MACC1: variants seen among roughly 807,000 people sequenced by gnomAD.
The protein encoded by MACC1 is metastasis-associated in colon cancer protein 1.
In MACC1, 79 loss-of-function variants were observed where a neutral mutation model predicts 70.7. That is an observed-to-expected ratio of 1.12 (90% CI 0.93 to 1.35). MACC1 has a LOEUF of 1.35. MACC1 is among the 40% of genes most tolerant of loss of function. The probability of loss-of-function intolerance (pLI) is 0.00; values close to 1 mark genes in which losing one functional copy is unlikely to be tolerated. For synonymous variants in MACC1, 361 were observed against 347.2 expected (o/e 1.04, Z -0.44); for missense variants, 1,106 against 978.1 (o/e 1.13, Z -1.74).
intron 1 of MACC1, among the ~76,000 whole-genome samples, chr7:20,195,781 A>T (rs1390148482): frequency 2.0e-5 from 3 of 152,204 alleles, no homozygotes; most frequent in Admixed American, 6.5e-5. Context: ...CTTGAGGCCA[A>T]TGCTTCTTTA....
At chr7:20,183,185 C>T (rs578000952) in intron 1 of MACC1, among the ~76,000 whole-genome samples, 3 of 152,290 alleles carry the variant, frequency 2.0e-5, no homozygotes, top group Middle Eastern at 3.4e-3. Flanking sequence ...TTCTCTAGCT[C>T]GTTGCAGAAG....
chr7:20,182,777 C>G (rs1476149388), intron 1 of MACC1, among the ~76,000 whole-genome samples: 4 of 152,102 alleles, frequency 2.6e-5, no homozygotes, highest in Non-Finnish European at 4.4e-5. Flanking sequence ...ATGGGAGTCA[C>G]TTTTCATATA....
intron 6 of MACC1, among the ~76,000 whole-genome samples, chr7:20,143,186 A>G (rs1417952529): frequency 6.6e-6 from 1 of 152,174 alleles, no homozygotes; most frequent in African/African-American, 2.4e-5. Flanking sequence ...AGGACTGTGA[A>G]TTGCTATGTG....
chr7:20,216,532 T>C (rs1355093580), intron 1 of MACC1, among the ~76,000 whole-genome samples: 5 of 152,128 alleles, frequency 3.3e-5, no homozygotes, highest in African/African-American at 1.2e-4. Flanking sequence ...CCCTGGCAAC[T>C]ACCATTCTAA....
intron 1 of MACC1, among the ~76,000 whole-genome samples, chr7:20,176,333 G>T (rs932125825): frequency 1.3e-5 from 2 of 152,068 alleles, no homozygotes; most frequent in African/African-American, 2.4e-5. Flanking sequence ...AGATAAAATG[G>T]CATAGAACTG....
At chr7:20,171,515 A>C (rs552484948) in intron 1 of MACC1, among the ~76,000 whole-genome samples, 2 of 151,420 alleles carry the variant, frequency 1.3e-5, no homozygotes, top group South Asian at 4.2e-4. Flanking sequence ...CGGCCTCCCA[A>C]AGTGCTGGGA....
intron 1 of MACC1, among the ~76,000 whole-genome samples, chr7:20,211,091 A>G (rs957154211): frequency 1.3e-5 from 2 of 152,124 alleles, no homozygotes; most frequent in African/African-American, 2.4e-5. Context: ...AAAGTTAAGG[A>G]CTGTAATAAT....
intron 6 of MACC1, among the ~76,000 whole-genome samples, chr7:20,151,641 C>T (rs1388381170): frequency 6.6e-6 from 1 of 152,064 alleles, no homozygotes; most frequent in African/African-American, 2.4e-5. Context: ...TTTTTCTTCA[C>T]CTTAGAAAAA....
chr7:20,147,241 C>A (rs1474615821), intron 6 of MACC1, among the ~76,000 whole-genome samples: 1 of 152,138 alleles, frequency 6.6e-6, no homozygotes, highest in Non-Finnish European at 1.5e-5. Flanking sequence ...TTAGAAAATG[C>A]ACTAGAAAAT....
chr7:20,146,182 G>A (rs1781889182), intron 6 of MACC1, among the ~76,000 whole-genome samples: 1 of 151,452 alleles, frequency 6.6e-6, no homozygotes, highest in African/African-American at 2.4e-5. Flanking sequence ...CTCTATTTGA[G>A]CTTTGCCTTA....
At chr7:20,179,716 C>T (rs1182158525) in intron 1 of MACC1, among the ~76,000 whole-genome samples, 1 of 151,880 alleles carries the variant, frequency 6.6e-6, no homozygotes, top group Non-Finnish European at 1.5e-5. Flanking sequence ...CAAAAGGCTT[C>T]CAAGATTTGG....
At position 20,137,430 on chromosome 7, in the gene MACC1, TAC is replaced by T. The variant is rs1308913950; in HGVS notation, c.*3514_*3515del. ...TTAATGACACACTATTGAATGCTTC[TAC>T]TTAATTGTTTCATATAAAGGCTTTA... On this transcript the variant is annotated 3_prime_UTR_variant, in exon 7 of 7. Coordinates refer to ENST00000400331, the MANE Select transcript of MACC1 (RefSeq NM_182762.4). The T allele has an allele frequency of 6.6e-6, 1 of 152,262 alleles. No homozygotes were observed. Among genetic ancestry groups the T allele is most frequent in the Non-Finnish European group, 1.5e-5 (1 of 68,052 alleles). 9.4% of individuals were successfully genotyped at this position (152,262 alleles called of 1,614,324 possible). A position where few individuals can be genotyped will look rare whatever the true frequency, so the allele number is the denominator to read the frequency against.
At chr7:20,180,624 C>T (rs1782489045) in intron 1 of MACC1, among the ~76,000 whole-genome samples, 1 of 152,024 alleles carries the variant, frequency 6.6e-6, no homozygotes, top group Admixed American at 6.6e-5. Context: ...GTGGGTGGAT[C>T]ACTTGAGGTC....
intron 1 of MACC1, among the ~76,000 whole-genome samples, chr7:20,190,882 T>C (rs1782662369): frequency 6.6e-6 from 1 of 152,192 alleles, no homozygotes; most frequent in Non-Finnish European, 1.5e-5. Flanking sequence ...TTTGTAAAAA[T>C]ACAATCTTTC....
Position 20,171,214 on chromosome 7 carries a change from C to T in MACC1, c.-217-436G>A, listed in dbSNP as rs956568997. 2.0e-5 allele frequency among the ~76,000 whole-genome samples: 3 copies of T among 151,870 alleles called. No homozygotes were observed. The South Asian group carries it at 6.2e-4, about 32-fold the overall frequency. On this transcript the variant is annotated intron_variant, in intron 1 of 6. Coordinates refer to ENST00000400331, the MANE Select transcript of MACC1 (RefSeq NM_182762.4). ...TATTTTTGTTATTATTAATGCTCCA[C>T]TGATTTCTGATTACTAGAAACTGGA...
intron 2 of MACC1, among the ~76,000 whole-genome samples, chr7:20,168,182 TA>T (rs1385038967): frequency 6.6e-6 from 1 of 152,040 alleles, no homozygotes; most frequent in African/African-American, 2.4e-5. Flanking sequence ...TTCCTTGGCT[TA>T]AAAATATGTT....
At chr7:20,188,404 C>T (rs886810912) in intron 1 of MACC1, among the ~76,000 whole-genome samples, 12 of 152,178 alleles carry the variant, frequency 7.9e-5, no homozygotes, top group African/African-American at 2.4e-4. Flanking sequence ...TCCTGCTCAT[C>T]GACTCAAAGA....
At chr7:20,189,321 G>C (rs1562597264) in intron 1 of MACC1, among the ~76,000 whole-genome samples, 1 of 152,164 alleles carries the variant, frequency 6.6e-6, no homozygotes, top group East Asian at 1.9e-4. Context: ...AGCACCAAAA[G>C]AGTGACAATT....
At chr7:20,204,274 C>T (rs751190320) in intron 1 of MACC1, among the ~76,000 whole-genome samples, 5 of 152,132 alleles carry the variant, frequency 3.3e-5, no homozygotes, top group Non-Finnish European at 7.4e-5. Flanking sequence ...CCTGCCTCAG[C>T]CTCCAGAGCA....
Sources: allele counts gnomAD v4.1 joint callset (sites outside exome capture counted in the v4.1 genomes callset), GRCh38; gene constraint gnomAD v4.1.1; transcripts MANE v1.5; gene names NCBI Gene and HGNC (gene_info 2026-07-23, HGNC 2026-07-21).